The following RBFOX1 variants were observed in gnomAD, a reference collection of about 807,000 sequenced individuals.
RBFOX1 encodes RNA binding protein fox-1 homolog 1.
A neutral mutation model predicts 57.7 loss-of-function variants in RBFOX1; 8 were observed. The observed-to-expected ratio is 0.14, with a 90% CI of 0.08 to 0.25. The LOEUF (loss-of-function observed/expected upper bound fraction) is 0.25. Ranked by LOEUF, RBFOX1 falls within the 10% of genes least tolerant of loss-of-function variation. The pLI is 1.00. For synonymous variants in RBFOX1, 326 were observed against 222.4 expected (o/e 1.47, Z -4.15); for missense variants, 611 against 548.5 (o/e 1.11, Z -1.14).
chr16:7,005,964 A>T (rs2093263484), intron 3 of RBFOX1, among the ~76,000 whole-genome samples: 1 of 152,020 alleles, frequency 6.6e-6, no homozygotes, highest in African/African-American at 2.4e-5. Flanking sequence ...TTTAACCCCT[A>T]CTCAGGATCA....
intron 4 of RBFOX1, among the ~76,000 whole-genome samples, chr16:7,422,529 C>G (rs1299813169): frequency 2.0e-5 from 3 of 152,188 alleles, no homozygotes; most frequent in African/African-American, 7.2e-5. Flanking sequence ...GACCCCGTCA[C>G]TGGGGGATCA....
At chr16:6,997,698 T>C (rs72776237) in intron 3 of RBFOX1, among the ~76,000 whole-genome samples, 1 of 152,176 alleles carries the variant, frequency 6.6e-6, no homozygotes, top group Non-Finnish European at 1.5e-5. Context: ...AAGAAAACTT[T>C]TGGTTAATGA....
At chr16:7,501,323 T>C (rs1305757347) in intron 4 of RBFOX1, among the ~76,000 whole-genome samples, 1 of 152,260 alleles carries the variant, frequency 6.6e-6, no homozygotes, top group African/African-American at 2.4e-5. Context: ...CTCTCTGTTC[T>C]TACCCTTCCT....
intron 2 of RBFOX1, among the ~76,000 whole-genome samples, chr16:6,401,914 C>G (rs2093085509): frequency 6.6e-6 from 1 of 151,728 alleles, no homozygotes; most frequent in Non-Finnish European, 1.5e-5. Flanking sequence ...GCTATTGTTT[C>G]CACTTTAATG....
At chr16:5,781,044 T>C (rs1195409472) in intron 3 of RBFOX1, among the ~76,000 whole-genome samples, 2 of 152,234 alleles carry the variant, frequency 1.3e-5, no homozygotes, top group Non-Finnish European at 2.9e-5. Flanking sequence ...TCTCTCTCAT[T>C]CTGTTAAACT....
intron 3 of RBFOX1, among the ~76,000 whole-genome samples, chr16:6,908,332 C>T (rs1253144461): frequency 1.3e-5 from 2 of 148,918 alleles, no homozygotes; most frequent in Non-Finnish European, 3.0e-5. Flanking sequence ...CTGTCTTGTT[C>T]ATCCAAGTTA....
intron 4 of RBFOX1, among the ~76,000 whole-genome samples, chr16:7,380,679 C>T (rs560863770): frequency 3.3e-5 from 5 of 152,202 alleles, no homozygotes; most frequent in Non-Finnish European, 4.4e-5. Flanking sequence ...TTTGCTAGGA[C>T]GATAACCCAG....
At chr16:6,637,175 AT>A in intron 2 of RBFOX1, among the ~76,000 whole-genome samples, 1 of 70,896 alleles carries the variant, frequency 1.4e-5, no homozygotes, top group African/African-American at 7.9e-5. Flanking sequence ...TATTATATAT[AT>A]TATATAATAT....
At chr16:6,804,712 C>T (rs994068371) in intron 3 of RBFOX1, among the ~76,000 whole-genome samples, 19 of 152,090 alleles carry the variant, frequency 1.2e-4, no homozygotes, top group Admixed American at 1.2e-3. Flanking sequence ...ATGACTGGGG[C>T]AGAACAGGGT....
At chr16:5,865,612 A>G (rs936064484) in intron 3 of RBFOX1, among the ~76,000 whole-genome samples, 2 of 152,234 alleles carry the variant, frequency 1.3e-5, no homozygotes, top group Non-Finnish European at 2.9e-5. Flanking sequence ...AAGCCAGGTC[A>G]GTGGGAGCTG....
rs542491162 is a variant in RBFOX1 at position 7,401,950 on chromosome 16, T to A, written c.28-116197T>A. On this transcript the variant is annotated intron_variant, in intron 4 of 15. Coordinates refer to ENST00000550418, the MANE Select transcript of RBFOX1 (RefSeq NM_018723.4). Reference sequence around the variant, plus strand: ...AGGTTAAATCTCCAAAAGAGGAATGTCATCTGTTAATAATACATCAAGCAT... The same window carrying A: ...AGGTTAAATCTCCAAAAGAGGAATGACATCTGTTAATAATACATCAAGCAT... Among the ~76,000 whole-genome samples the A allele has an allele frequency of 3.9e-5, 6 of 152,314 alleles. No homozygotes were observed. The East Asian group carries it at 7.7e-4, about 20-fold the overall frequency.
At chr16:6,099,865 C>T (rs1409576868) in intron 1 of RBFOX1, among the ~76,000 whole-genome samples, 1 of 152,150 alleles carries the variant, frequency 6.6e-6, no homozygotes, top group Non-Finnish European at 1.5e-5. Context: ...AAATATTTTA[C>T]TTCCATATTA....
rs1322833083 is a variant in RBFOX1 at position 7,676,816 on chromosome 16, A to C, written c.973A>C (p.Thr325Pro). ...CCGCTACGCCCAGCCTACCCCTGCC[A>C]CTGCCGCTGCCTACAGTGACAGGTA... ...AYRYAQPTPA[T>P]AAAYSDSYGR... The change falls in exon 14 of 16, where the codon ACT (threonine) becomes CCT (proline). Residue 325 changes from threonine to proline, a missense_variant. Coordinates refer to ENST00000550418, the MANE Select transcript of RBFOX1 (RefSeq NM_018723.4). The C allele has an allele frequency of 6.2e-7, 1 of 1,613,046 alleles. No homozygotes were observed.
At chr16:6,949,486 A>G (rs554719820) in intron 3 of RBFOX1, among the ~76,000 whole-genome samples, 1 of 152,324 alleles carries the variant, frequency 6.6e-6, no homozygotes, top group South Asian at 2.1e-4. Flanking sequence ...GAGGCTGGAA[A>G]TCTAAAGCCA....
intron 3 of RBFOX1, among the ~76,000 whole-genome samples, chr16:6,947,970 G>C (rs1240841511): frequency 6.6e-6 from 1 of 151,962 alleles, no homozygotes; most frequent in African/African-American, 2.4e-5. Context: ...ATAGAGACAG[G>C]CTCTTATCAC....
chr16:6,322,657 G>C (rs2081947765), intron 2 of RBFOX1, among the ~76,000 whole-genome samples: 1 of 152,214 alleles, frequency 6.6e-6, no homozygotes, highest in African/African-American at 2.4e-5. Flanking sequence ...ACAGAGTAAG[G>C]AGGTATTGAA....
At chr16:6,829,513 A>C (rs1314659860) in intron 3 of RBFOX1, among the ~76,000 whole-genome samples, 4 of 151,318 alleles carry the variant, frequency 2.6e-5, no homozygotes, top group African/African-American at 9.7e-5. Context: ...ACGTTAACTT[A>C]TAGGTACTTA....
chr16:6,501,054 C>G (rs1337257020), intron 2 of RBFOX1, among the ~76,000 whole-genome samples: 1 of 151,036 alleles, frequency 6.6e-6, no homozygotes, highest in Non-Finnish European at 1.5e-5. Flanking sequence ...CCATGGGAGT[C>G]TGCCCCTGGA....
At chr16:7,283,680 C>A (rs999547757) in intron 4 of RBFOX1, among the ~76,000 whole-genome samples, 1 of 152,108 alleles carries the variant, frequency 6.6e-6, no homozygotes, top group African/African-American at 2.4e-5. Flanking sequence ...ATAAGACTCT[C>A]ATATTGTTGC....
Sources: allele counts gnomAD v4.1 joint callset (sites outside exome capture counted in the v4.1 genomes callset), GRCh38; gene constraint gnomAD v4.1.1; transcripts MANE v1.5; gene names NCBI Gene and HGNC (gene_info 2026-07-23, HGNC 2026-07-21).